AGBL4: variants seen among roughly 807,000 people sequenced by gnomAD.
AGBL4 encodes AGBL carboxypeptidase 4, also known as cytosolic carboxypeptidase 6.
AGBL4 carries 58 observed loss-of-function variants against 66.4 expected under a neutral mutation model. The observed-to-expected ratio is 0.87, with a 90% CI of 0.71 to 1.09. The LOEUF is 1.09. Ranked by LOEUF, AGBL4 falls within the 50% of genes least tolerant of loss-of-function variation. AGBL4 has a pLI of 0.00. For missense variants in AGBL4, 579 were observed against 631.0 expected (o/e 0.92, Z 0.88); for synonymous variants, 234 against 222.9 (o/e 1.05, Z -0.44).
At chr1:49,146,762 C>G (rs978940844) in intron 4 of AGBL4, among the ~76,000 whole-genome samples, 1 of 152,274 alleles carries the variant, frequency 6.6e-6, no homozygotes, top group African/African-American at 2.4e-5. Context: ...AGGGCCCACA[C>G]CAGGCTCCCT....
chr1:49,439,184 G>GA (rs1467448825), intron 3 of AGBL4, among the ~76,000 whole-genome samples: 3 of 152,302 alleles, frequency 2.0e-5, no homozygotes, highest in Non-Finnish European at 4.4e-5. Context: ...AGTTTGCTAG[G>GA]AGATGAACGT....
At chr1:49,834,550 A>T (rs1645793245) in intron 2 of AGBL4, among the ~76,000 whole-genome samples, 1 of 151,476 alleles carries the variant, frequency 6.6e-6, no homozygotes, top group Middle Eastern at 3.4e-3. Flanking sequence ...GATTCATTGA[A>T]GGGTTTTTTG....
intron 6 of AGBL4, among the ~76,000 whole-genome samples, chr1:48,744,677 A>G (rs1020878650): frequency 2.0e-5 from 3 of 152,184 alleles, no homozygotes; most frequent in African/African-American, 7.2e-5. Context: ...CCATCTCTAT[A>G]AAGGCCATCA....
intron 3 of AGBL4, among the ~76,000 whole-genome samples, chr1:49,351,833 T>C (rs1005982946): frequency 3.9e-5 from 6 of 152,182 alleles, no homozygotes; most frequent in Non-Finnish European, 8.8e-5. Flanking sequence ...GCCTCAGTCT[T>C]CTCAACTGTA....
chr1:49,613,431 C>T (rs1314879058), intron 3 of AGBL4, among the ~76,000 whole-genome samples: 1 of 152,174 alleles, frequency 6.6e-6, no homozygotes, highest in Non-Finnish European at 1.5e-5. Flanking sequence ...CTGTTAGGAA[C>T]CAGGCCACAC....
chr1:49,967,304 A>G (rs1657645329), intron 1 of AGBL4, among the ~76,000 whole-genome samples: 1 of 152,200 alleles, frequency 6.6e-6, no homozygotes, highest in African/African-American at 2.4e-5. Flanking sequence ...AAAATGTGGC[A>G]CATATACACC....
chr1:48,925,023 A>G (rs1026245630), intron 5 of AGBL4, among the ~76,000 whole-genome samples: 2 of 152,110 alleles, frequency 1.3e-5, no homozygotes, highest in African/African-American at 4.8e-5. Context: ...GCTAGCTGCT[A>G]CTGCCTAGCA....
intron 2 of AGBL4, among the ~76,000 whole-genome samples, chr1:49,789,532 C>T (rs1164024061): frequency 6.6e-6 from 1 of 152,150 alleles, no homozygotes; most frequent in African/African-American, 2.4e-5. Context: ...CATTCCTATA[C>T]ACCAATAATA....
chr1:49,096,166 G>A (rs12143428), intron 4 of AGBL4, among the ~76,000 whole-genome samples: 13,861 of 149,624 alleles, frequency 0.093, 515 homozygotes, highest in African/African-American at 0.2. Context: ...TTAGAATGGC[G>A]ATCATTAAAA....
At chr1:48,789,319 C>T (rs1450258474) in intron 6 of AGBL4, among the ~76,000 whole-genome samples, 4 of 150,942 alleles carry the variant, frequency 2.7e-5, no homozygotes, top group East Asian at 3.9e-4. Context: ...GACGGCATCT[C>T]GCTCTGTCAC....
chr1:49,226,819 A>T (rs1649946641), intron 4 of AGBL4, among the ~76,000 whole-genome samples: 1 of 152,162 alleles, frequency 6.6e-6, no homozygotes, highest in Admixed American at 6.5e-5. Context: ...TCCATTTGTG[A>T]TGCTATTAAC....
intron 3 of AGBL4, among the ~76,000 whole-genome samples, chr1:49,559,140 A>G (rs1475991406): frequency 6.6e-6 from 1 of 152,154 alleles, no homozygotes; most frequent in African/African-American, 2.4e-5. Context: ...TGATGGCTTC[A>G]GGTCTAACAC....
At position 49,776,314 on chromosome 1, in the gene AGBL4, C is replaced by G. The variant is rs115395588; in HGVS notation, c.157+75082G>C. 5.8e-3 allele frequency among the ~76,000 whole-genome samples: 889 copies of G among 152,242 alleles called. 4 individuals are homozygous for G. Among genetic ancestry groups the G allele is most frequent in the Middle Eastern group, 0.02 (6 of 294 alleles). ...CCTAACTAGTTCCTCCAATTCTAGT[C>G]TTAAAAATTCTTCCAATATCTTTTC... On this transcript the variant is annotated intron_variant, in intron 2 of 13. Transcript: ENST00000371839.
rs145113169 is a variant in AGBL4, at chr1:49,722,998, C to T, written c.158-25561G>A. Reference sequence around the variant, plus strand: ...ACTATATGAACTCTACACTGAGTGTCGCCACCAACAGTTTATAAATTAACC... The same window carrying T: ...ACTATATGAACTCTACACTGAGTGTTGCCACCAACAGTTTATAAATTAACC... On this transcript the variant is annotated intron_variant, in intron 2 of 13. Transcript: ENST00000371839. Among the ~76,000 whole-genome samples, 809 of 152,178 alleles carry T rather than the reference C, an allele frequency of 5.3e-3. 7 individuals are homozygous for T. The highest frequency in any genetic ancestry group is 8.1e-3 in the Non-Finnish European group (550 of 67,998).
intron 2 of AGBL4, among the ~76,000 whole-genome samples, chr1:49,830,099 C>A (rs1557489109): frequency 6.6e-6 from 1 of 152,104 alleles, no homozygotes; most frequent in Non-Finnish European, 1.5e-5. Context: ...GTCTTTACAG[C>A]AGAATGATTT....
At chr1:49,965,419 A>T (rs1461068584) in intron 1 of AGBL4, among the ~76,000 whole-genome samples, 1 of 152,196 alleles carries the variant, frequency 6.6e-6, no homozygotes, top group African/African-American at 2.4e-5. Context: ...ATCTTATCAC[A>T]CAAGACTATC....
At chr1:49,976,761 T>C (rs1658589950) in intron 1 of AGBL4, among the ~76,000 whole-genome samples, 1 of 152,172 alleles carries the variant, frequency 6.6e-6, no homozygotes, top group Non-Finnish European at 1.5e-5. Flanking sequence ...GCAAAACATA[T>C]ATACATAGTT....
chr1:48,874,841 C>G (rs989159163), intron 5 of AGBL4, among the ~76,000 whole-genome samples: 2 of 152,052 alleles, frequency 1.3e-5, no homozygotes, highest in Non-Finnish European at 2.9e-5. Context: ...ATGCCCACCC[C>G]CAAGCCTTCT....
Position 48,967,131 on chromosome 1 carries a change from A to G in AGBL4, c.594+78453T>C, listed in dbSNP as rs568995089. On this transcript the variant is annotated intron_variant, in intron 5 of 13. Transcript: ENST00000371839. ...AATAATTAGAATGTAATGGTAGAAA[A>G]CTCACTGAGCACTATTTCCAAAATC... Among the ~76,000 whole-genome samples, 3 of 151,916 alleles carry G rather than the reference A, an allele frequency of 2.0e-5. No homozygotes were observed. In the South Asian group the frequency reaches 6.2e-4, roughly 32 times the overall value.
Sources: gnomAD v4.1 joint callset for allele counts (sites outside exome capture counted in the v4.1 genomes callset) on GRCh38, gnomAD v4.1.1 for gene constraint, MANE v1.5 for transcripts, NCBI Gene and HGNC (gene_info 2026-07-23, HGNC 2026-07-21) for gene names.